Variants in PPP3R1 observed in about 807,000 individuals in gnomAD.
PPP3R1 encodes protein phosphatase 3 regulatory subunit B, alpha.
In PPP3R1, 5 loss-of-function variants were observed where a neutral mutation model predicts 22.6. The ratio of observed to expected loss-of-function variants is 0.22; its 90% confidence interval spans 0.12 to 0.46. The LOEUF (loss-of-function observed/expected upper bound fraction) is 0.46. Ranked by LOEUF, PPP3R1 falls within the 20% of genes least tolerant of loss-of-function variation. The probability of loss-of-function intolerance (pLI) is 0.99; values close to 1 mark genes in which losing one functional copy is unlikely to be tolerated. For synonymous variants in PPP3R1, 56 were observed against 65.2 expected (o/e 0.86, Z 0.68); for missense variants, 61 against 203.2 (o/e 0.30, Z 4.25).
At chr2:68,220,145 T>C (rs994583890) in intron 1 of PPP3R1, among the ~76,000 whole-genome samples, 1 of 152,218 alleles carries the variant, frequency 6.6e-6, no homozygotes, top group Non-Finnish European at 1.5e-5. Flanking sequence ...CAGCTTACTG[T>C]CTGGAGAAAG....
In PPP3R1 at chr2:68,252,105, C is replaced by T. The variant is rs2103825338; in HGVS notation, c.3+20G>A. 7.0e-7 allele frequency: 1 copy of T among 1,429,718 alleles called. No individual in the cohort carries two copies. Among genetic ancestry groups the T allele is most frequent in the East Asian group, 3.1e-5 (1 of 32,284 alleles). 88.6% of individuals were successfully genotyped at this position (1,429,718 alleles called of 1,614,324 possible). On this transcript the variant is annotated intron_variant, in intron 1 of 5. Transcript: ENST00000234310. ...GGCAGTAGGGGGAGGGATGGTGCAT[C>T]GAGGAAGCCAAGGTCTCACCATTTT...
intron 1 of PPP3R1, among the ~76,000 whole-genome samples, chr2:68,243,706 T>C (rs1670175749): frequency 6.6e-6 from 1 of 152,204 alleles, no homozygotes; most frequent in East Asian, 1.9e-4. Context: ...AATTGTTACC[T>C]AATTAGATTT....
intron 2 of PPP3R1, among the ~76,000 whole-genome samples, chr2:68,210,269 CA>C (rs1473363157): frequency 6.6e-6 from 1 of 152,190 alleles, no homozygotes; most frequent in Non-Finnish European, 1.5e-5. Context: ...TCTCAATTAA[CA>C]TAAGCTCCCT....
chr2:68,226,454 TAA>T (rs1022045009), intron 1 of PPP3R1, among the ~76,000 whole-genome samples: 12 of 152,176 alleles, frequency 7.9e-5, no homozygotes, highest in African/African-American at 2.7e-4. Flanking sequence ...TTTAAAACAA[TAA>T]AGTTTCACAG....
chr2:68,229,032 G>A (rs1036185054), intron 1 of PPP3R1, among the ~76,000 whole-genome samples: 1 of 151,924 alleles, frequency 6.6e-6, no homozygotes, highest in African/African-American at 2.4e-5. Flanking sequence ...TTTTCTGGGG[G>A]GTTTTCTGAG....
chr2:68,234,063 G>T (rs1270538891), intron 1 of PPP3R1, among the ~76,000 whole-genome samples: 1 of 152,118 alleles, frequency 6.6e-6, no homozygotes, highest in Non-Finnish European at 1.5e-5. Flanking sequence ...GAAGCTTAAG[G>T]CCGGGCACGG....
At chr2:68,196,676 T>C (rs1472718008) in intron 2 of PPP3R1, among the ~76,000 whole-genome samples, 3 of 152,122 alleles carry the variant, frequency 2.0e-5, no homozygotes, top group Non-Finnish European at 4.4e-5. Context: ...TTGTCAAATA[T>C]GCAAAAACTC....
At chr2:68,185,217 CAA>C (rs1305057114) in intron 5 of PPP3R1, among the ~76,000 whole-genome samples, 14 of 70,400 alleles carry the variant, frequency 2.0e-4, no homozygotes, top group Admixed American at 3.4e-4. Flanking sequence ...GACTCCGTTT[CAA>C]AAAAAAAAAA....
intron 2 of PPP3R1, among the ~76,000 whole-genome samples, chr2:68,215,190 T>C (rs896840627): frequency 3.3e-5 from 5 of 152,206 alleles, no homozygotes; most frequent in Middle Eastern, 6.8e-3. Flanking sequence ...ACTATGCTTA[T>C]TACCTGGATG....
intron 1 of PPP3R1, among the ~76,000 whole-genome samples, chr2:68,230,176 T>C (rs1669867866): frequency 6.6e-6 from 1 of 151,950 alleles, no homozygotes; most frequent in South Asian, 2.1e-4. Flanking sequence ...GTATTTTTGG[T>C]TGAGACAGGT....
At chr2:68,232,107 A>AT (rs1572973336) in intron 1 of PPP3R1, among the ~76,000 whole-genome samples, 11 of 75,500 alleles carry the variant, frequency 1.5e-4, no homozygotes, top group East Asian at 1.4e-3. Flanking sequence ...AAAAAAAAAA[A>AT]AATATATATA....
chr2:68,245,857 T>C (rs538190496), intron 1 of PPP3R1, among the ~76,000 whole-genome samples: 76 of 152,290 alleles, frequency 5.0e-4, no homozygotes, highest in Non-Finnish European at 8.4e-4. Flanking sequence ...TAAACTCTTA[T>C]ATGACCTACA....
chr2:68,245,316 C>T (rs1456107069), intron 1 of PPP3R1, among the ~76,000 whole-genome samples: 2 of 151,958 alleles, frequency 1.3e-5, no homozygotes, highest in African/African-American at 4.8e-5. Flanking sequence ...AAGCTGAGAT[C>T]GCACCACCGC....
At chr2:68,249,094 G>T (rs969949390) in intron 1 of PPP3R1, among the ~76,000 whole-genome samples, 4 of 152,182 alleles carry the variant, frequency 2.6e-5, no homozygotes, top group Admixed American at 2.6e-4. Flanking sequence ...GGCCCAAGGT[G>T]ACTTCCTTAT....
intron 1 of PPP3R1, among the ~76,000 whole-genome samples, chr2:68,231,194 T>C (rs1363575801): frequency 1.5e-4 from 23 of 152,196 alleles, no homozygotes. Flanking sequence ...TTACTGTTGT[T>C]CAGACTGGGT....
intron 1 of PPP3R1, among the ~76,000 whole-genome samples, chr2:68,217,953 T>C (rs192640337): frequency 1.3e-5 from 2 of 152,242 alleles, no homozygotes; most frequent in Admixed American, 6.5e-5. Flanking sequence ...ACCATTTGAT[T>C]AGCAGTGGAA....
intron 2 of PPP3R1, among the ~76,000 whole-genome samples, chr2:68,214,032 A>T (rs1176760465): frequency 6.6e-6 from 1 of 152,168 alleles, no homozygotes; most frequent in African/African-American, 2.4e-5. Context: ...TGACAAAAAC[A>T]AGCAGTGCAG....
intron 1 of PPP3R1, among the ~76,000 whole-genome samples, chr2:68,249,604 G>C (rs999823983): frequency 1.3e-5 from 2 of 151,510 alleles, no homozygotes; most frequent in African/African-American, 4.9e-5. Flanking sequence ...TCGTTCAGGG[G>C]AAATTCCTAG....
At chr2:68,181,065 G>GT in intron 5 of PPP3R1, 55 bp from the exon 6 acceptor site, 1 of 1,522,086 alleles carries the variant, frequency 6.6e-7, no homozygotes, top group South Asian at 1.1e-5. Flanking sequence ...CTCCTCATTC[G>GT]TGGTCTAACT....
Sources: allele counts gnomAD v4.1 joint callset (sites outside exome capture counted in the v4.1 genomes callset), GRCh38; gene constraint gnomAD v4.1.1; transcripts MANE v1.5; gene names NCBI Gene and HGNC (gene_info 2026-07-23, HGNC 2026-07-21).